PPP3CA: variants seen among roughly 807,000 people sequenced by gnomAD.
The protein encoded by PPP3CA is CAM-PRP catalytic subunit.
Under a neutral mutation model 66.5 loss-of-function variants are expected in PPP3CA, and 14 were observed. The ratio of observed to expected loss-of-function variants is 0.21; its 90% CI spans 0.14 to 0.33. PPP3CA has a LOEUF of 0.33. PPP3CA is among the 10% of genes least tolerant of loss of function. PPP3CA has a pLI of 1.00. For synonymous variants in PPP3CA, 232 were observed against 226.2 expected (o/e 1.03, Z -0.23); for missense variants, 317 against 639.5 (o/e 0.50, Z 5.44).
intron 1 of PPP3CA, among the ~76,000 whole-genome samples, chr4:101,253,669 T>C (rs1000832433): frequency 6.6e-6 from 1 of 152,136 alleles, no homozygotes; most frequent in Non-Finnish European, 1.5e-5. Flanking sequence ...TGTTTACAGA[T>C]TATCTGATTA....
chr4:101,044,336 G>C (rs1287794318), intron 10 of PPP3CA, among the ~76,000 whole-genome samples: 9 of 152,114 alleles, frequency 5.9e-5, no homozygotes, highest in African/African-American at 2.2e-4. Flanking sequence ...ATGTTTTTCA[G>C]AATTTTACTA....
At chr4:101,146,726 C>T (rs957564662) in intron 2 of PPP3CA, among the ~76,000 whole-genome samples, 3 of 152,128 alleles carry the variant, frequency 2.0e-5, no homozygotes, top group Non-Finnish European at 4.4e-5. Context: ...CAGGTGTGAG[C>T]CACCACGCCT....
chr4:101,327,272 G>C (rs1255556670), intron 1 of PPP3CA, among the ~76,000 whole-genome samples: 1 of 152,096 alleles, frequency 6.6e-6, no homozygotes, highest in Non-Finnish European at 1.5e-5. Context: ...ACCAAATATT[G>C]TGACTGAATG....
chr4:101,333,270 GTTTTTTTTTTTTTTTTTTTTTT>G lies in PPP3CA; in HGVS notation c.58+13447_58+13468del, dbSNP rs70961788. On this transcript the variant is annotated intron_variant, in intron 1 of 13. Coordinates refer to ENST00000394854, the MANE Select transcript of PPP3CA (RefSeq NM_000944.5). ...CTACAGGCATGCACTACCATGCCCA[GTTTTTTTTTTTTTTTTTTTTTT>G]TTTTTTTTTTTTTTTTTGTAGAGAT... Among the ~76,000 whole-genome samples the G allele has an allele frequency of 1.2e-3, 55 of 47,274 alleles. 1 individual carries two copies. Among genetic ancestry groups the G allele is most frequent in the Admixed American group, 8.1e-4 (4 of 4,940 alleles). The allele number at this position is 47,274 out of a possible 152,430, so 31.0% of individuals were successfully genotyped here.
chr4:101,111,753 C>A (rs924998371), intron 2 of PPP3CA, among the ~76,000 whole-genome samples: 1 of 152,116 alleles, frequency 6.6e-6, no homozygotes, highest in African/African-American at 2.4e-5. Flanking sequence ...ATACTGGTAC[C>A]TTACATTATT....
At chr4:101,308,351 G>A (rs1560710241) in intron 1 of PPP3CA, among the ~76,000 whole-genome samples, 1 of 152,060 alleles carries the variant, frequency 6.6e-6, no homozygotes, top group Non-Finnish European at 1.5e-5. Context: ...AAAGATATTG[G>A]TATTACTATC....
At chr4:101,207,554 C>T (rs1011689309) in intron 1 of PPP3CA, among the ~76,000 whole-genome samples, 1 of 152,146 alleles carries the variant, frequency 6.6e-6, no homozygotes, top group African/African-American at 2.4e-5. Flanking sequence ...CTAGGCTGGG[C>T]ACAGTGTCGA....
intron 2 of PPP3CA, among the ~76,000 whole-genome samples, chr4:101,124,723 A>AAGAAAGAAAGAAAGAG (rs1722165250): frequency 2.1e-5 from 1 of 48,178 alleles, no homozygotes; most frequent in Non-Finnish European, 4.4e-5. Context: ...GAAAGAAAGA[A>AAGAAAGAAAGAAAGAG]AGAGAAAGAA....
At chr4:101,052,798 C>A (rs1377864858) in intron 10 of PPP3CA, among the ~76,000 whole-genome samples, 1 of 151,944 alleles carries the variant, frequency 6.6e-6, no homozygotes, top group African/African-American at 2.4e-5. Context: ...ATGGACTTAT[C>A]ACATGGCCAC....
intron 1 of PPP3CA, among the ~76,000 whole-genome samples, chr4:101,224,950 T>C (rs565906024): frequency 6.6e-6 from 1 of 151,722 alleles, no homozygotes; most frequent in South Asian, 2.1e-4. Context: ...TCCCACCTAT[T>C]TCACTCTGCA....
chr4:101,239,878 A>G (rs1726245798), intron 1 of PPP3CA, among the ~76,000 whole-genome samples: 2 of 151,960 alleles, frequency 1.3e-5, no homozygotes, highest in Admixed American at 6.6e-5. Context: ...AGATACAACA[A>G]CAGTTAAAAT....
chr4:101,029,323 G>A (rs1360831093), intron 12 of PPP3CA, 128 bp from the exon 13 acceptor site: 1 of 357,768 alleles, frequency 2.8e-6, no homozygotes, highest in Non-Finnish European at 4.8e-6. Context: ...CTAGATTCTG[G>A]CACAGACAAC....
At chr4:101,175,928 G>C (rs533440978) in intron 2 of PPP3CA, among the ~76,000 whole-genome samples, 6 of 152,034 alleles carry the variant, frequency 3.9e-5, no homozygotes. Context: ...GATATCTCTA[G>C]TACACTCCCA....
At chr4:101,283,932 A>G (rs182234004) in intron 1 of PPP3CA, among the ~76,000 whole-genome samples, 85 of 152,354 alleles carry the variant, frequency 5.6e-4, no homozygotes, top group Middle Eastern at 3.4e-3. Context: ...TTTAAATCTT[A>G]AAAGTTTACA....
intron 10 of PPP3CA, among the ~76,000 whole-genome samples, chr4:101,041,018 T>C (rs1184153571): frequency 1.3e-5 from 2 of 152,220 alleles, no homozygotes; most frequent in African/African-American, 4.8e-5. Context: ...AGTTCTCCTT[T>C]GATGTGATTA....
chr4:101,040,428 A>G (rs1727462535), intron 11 of PPP3CA, 54 bp downstream of exon 11: 2 of 1,245,080 alleles, frequency 1.6e-6, no homozygotes, highest in Admixed American at 5.0e-5. Flanking sequence ...TAAAGTATTT[A>G]TTAGGTGACA....
chr4:101,302,434 G>A (rs546731833), intron 1 of PPP3CA, among the ~76,000 whole-genome samples: 1 of 152,318 alleles, frequency 6.6e-6, no homozygotes, highest in East Asian at 1.9e-4. Flanking sequence ...CACTATTACA[G>A]AGTGATGACT....
chr4:101,320,426 G>GTA (rs1560715773), intron 1 of PPP3CA, among the ~76,000 whole-genome samples: 3 of 144,670 alleles, frequency 2.1e-5, no homozygotes, highest in Non-Finnish European at 3.0e-5. Context: ...AGCTTGAATG[G>GTA]TACACACACA....
chr4:101,099,988 A>C (rs760082024), intron 3 of PPP3CA, among the ~76,000 whole-genome samples: 9 of 152,048 alleles, frequency 5.9e-5, no homozygotes, highest in Non-Finnish European at 8.8e-5. Context: ...TATGGTCAAC[A>C]GAAGGAGAAT....
Sources: allele counts gnomAD v4.1 joint callset (sites outside exome capture counted in the v4.1 genomes callset), GRCh38; gene constraint gnomAD v4.1.1; transcripts MANE v1.5; gene names NCBI Gene and HGNC (gene_info 2026-07-23, HGNC 2026-07-21).